The following ATAD3C variants were observed in gnomAD, a reference collection of about 807,000 sequenced individuals.
ATAD3C encodes ATPase family AAA domain-containing protein 3C.
ATAD3C carries 38 observed loss-of-function variants against 46.3 expected under a neutral mutation model. The ratio of observed to expected loss-of-function variants is 0.82; its 90% CI spans 0.63 to 1.08. The LOEUF (loss-of-function observed/expected upper bound fraction) is 1.08. Ranked by LOEUF, ATAD3C falls within the 50% of genes least tolerant of loss-of-function variation. ATAD3C has a pLI of 0.00. For missense variants in ATAD3C, 563 were observed against 572.7 expected, an observed-to-expected ratio of 0.98 and a Z score of 0.17; for synonymous variants, 220 against 236.4, an observed-to-expected ratio of 0.93 and a Z score of 0.63.
At chr1:1,467,605 G>C (rs1328016023) in intron 11 of ATAD3C, among the ~76,000 whole-genome samples, 1 of 152,050 alleles carries the variant, frequency 6.6e-6, no homozygotes, top group Non-Finnish European at 1.5e-5. Context: ...GCCTCTGGGA[G>C]GCATAGCTGG....
rs553941883 is a variant in ATAD3C, at chr1:1,462,296, T to A, written c.981-304T>A. Among the ~76,000 whole-genome samples, 1 of 152,122 alleles carries A rather than the reference T, an allele frequency of 6.6e-6. No homozygotes were observed. The highest frequency in any genetic ancestry group is 2.1e-4 in the South Asian group (1 of 4,806). The stretch of plus-strand genomic sequence containing the variant: ...TCTGTGGCCTCCAGGCAGAAGCTTT[T>A]TTGCTAGAACTCAGGGCTCTGCCAC... On this transcript the variant is annotated intron_variant, in intron 10 of 11. Transcript: ENST00000378785. The surrounding 1 kb of genome is among the most constrained non-coding windows in gnomAD (Gnocchi z 4.5).
intron 10 of ATAD3C, 21 bp downstream of exon 10, chr1:1,460,938 G>A (rs774424999): frequency 1.1e-5 from 17 of 1,589,544 alleles, no homozygotes; most frequent in African/African-American, 6.7e-5. Flanking sequence ...CGCCCCACCA[G>A]CCCCCGTCCA....
chr1:1,466,787 C>T lies in ATAD3C; in HGVS notation c.1090-1597C>T, dbSNP rs112916475. Reference sequence around the variant, plus strand: ...ATTCGTTTTGCTGGCATTTTCTTGACGACTTTTCCAACGATGCTCATCAGG... The same window carrying T: ...ATTCGTTTTGCTGGCATTTTCTTGATGACTTTTCCAACGATGCTCATCAGG... On this transcript the variant is annotated intron_variant, in intron 11 of 11. Transcript: ENST00000378785. 2.0e-5 allele frequency among the ~76,000 whole-genome samples: 3 copies of T among 151,838 alleles called. 1 individual carries two copies. The highest frequency in any genetic ancestry group is 3.9e-4 in the East Asian group (2 of 5,180).
At position 1,456,215 on chromosome 1, in the gene ATAD3C, T is replaced by A. The variant is rs754618389; in HGVS notation, c.565-10T>A. The A allele has an allele frequency of 5.3e-6, 8 of 1,501,834 alleles. No homozygotes were observed. The East Asian group carries it at 2.0e-4, about 38-fold the overall frequency. The allele number at this position is 1,501,834 out of a possible 1,614,324, so 93.0% of individuals were successfully genotyped here. A position where few individuals can be genotyped will look rare whatever the true frequency, so the allele number is the denominator to read the frequency against. On this transcript the variant is annotated splice_polypyrimidine_tract_variant and intron_variant, in intron 6 of 11. Coordinates refer to ENST00000378785, the MANE Select transcript of ATAD3C (RefSeq NM_001039211.3). ...CATCTGTTCTGTCTCCCCTCACTCTTCTTGTCCAGAAACTCGCCCTGCACT... is the reference window on the plus strand; with the variant it reads ...CATCTGTTCTGTCTCCCCTCACTCTACTTGTCCAGAAACTCGCCCTGCACT...
Position 1,454,942 on chromosome 1 carries a change from G to T in ATAD3C, c.378+442G>T, listed in dbSNP as rs540044851. On this transcript the variant is annotated intron_variant, in intron 4 of 11. Coordinates refer to ENST00000378785, the MANE Select transcript of ATAD3C (RefSeq NM_001039211.3). Reference sequence around the variant, plus strand: ...TTAAGAAAATAAAAGCTGGCCGGGCGTGGTGGCTCACACTTGTAATCCCAG... The same window carrying T: ...TTAAGAAAATAAAAGCTGGCCGGGCTTGGTGGCTCACACTTGTAATCCCAG... Among the ~76,000 whole-genome samples, 4 of 152,012 alleles carry T rather than the reference G, an allele frequency of 2.6e-5. No homozygotes were observed. In the South Asian group the frequency reaches 8.4e-4, roughly 32 times the overall value.
Position 1,468,689 on chromosome 1 carries a change from C to G in ATAD3C, c.*159C>G. The G allele has an allele frequency of 2.2e-6, 3 of 1,344,284 alleles. No individual in the cohort carries two copies. The highest frequency in any genetic ancestry group is 3.1e-6 in the Non-Finnish European group (3 of 977,396). 83.3% of individuals were successfully genotyped at this position (1,344,284 alleles called of 1,614,324 possible). On this transcript the variant is annotated 3_prime_UTR_variant, in exon 12 of 12. Transcript: ENST00000378785. ...GACACGGGGCGGGGTTTGGGGCCCC[C>G]TAACGTCCCCCTGGGGTCAAAGGTG...
intron 4 of ATAD3C, among the ~76,000 whole-genome samples, chr1:1,454,845 G>A (rs1418448616): frequency 2.0e-5 from 3 of 151,806 alleles, no homozygotes; most frequent in South Asian, 2.1e-4. Flanking sequence ...GAGCCGCGCC[G>A]TTTGCCAGCC....
Position 1,450,354 on chromosome 1 carries a change from T to TG in ATAD3C, c.-329dup. 1 of 216,154 alleles carries TG rather than the reference T, an allele frequency of 4.6e-6. No homozygotes were observed. Among genetic ancestry groups the TG allele is most frequent in the East Asian group, 9.1e-5 (1 of 10,966 alleles). 13.4% of individuals were successfully genotyped at this position (216,154 alleles called of 1,614,324 possible). A position where few individuals can be genotyped will look rare whatever the true frequency, so the allele number is the denominator to read the frequency against. On this transcript the variant is annotated 5_prime_UTR_variant, in exon 1 of 12. An upstream open reading frame in the 5' UTR loses its in-frame stop. Coordinates refer to ENST00000378785, the MANE Select transcript of ATAD3C (RefSeq NM_001039211.3). ...AAAAAAAAAAAAAGCATGTGTAACG[T>TG]GAAAAAATGGACACTTTAGCCATCG...
At chr1:1,455,367 T>G in intron 4 of ATAD3C, 93 bp from the exon 5 acceptor site, 1 of 1,528,200 alleles carries the variant, frequency 6.5e-7, no homozygotes, top group Non-Finnish European at 8.9e-7. Flanking sequence ...TCGGGGCAGC[T>G]CCGTTTCTGC....
rs1054946601 is a variant in ATAD3C, at chr1:1,462,785, C to G, written c.1089+77C>G. ...GATGCTTGGTTGCGCCAGGCCTGTC[C>G]CAGCACCGGTGTCACGTGGGAGCTT... On this transcript the variant is annotated intron_variant, in intron 11 of 11. Transcript: ENST00000378785. This position sits in a 1 kb window ranked among gnomAD's most constrained non-coding sequence, Gnocchi z 4.5. 4.5e-5 allele frequency: 66 copies of G among 1,471,048 alleles called. 1 individual carries two copies. The highest frequency in any genetic ancestry group is 5.9e-5 in the Non-Finnish European group (64 of 1,079,422). 91.1% of individuals were successfully genotyped at this position (1,471,048 alleles called of 1,614,324 possible). A position where few individuals can be genotyped will look rare whatever the true frequency, so the allele number is the denominator to read the frequency against.
rs981144520 is a variant in ATAD3C at position 1,459,401 on chromosome 1, G to A, written c.812+170G>A. The stretch of plus-strand genomic sequence containing the variant: ...GGAACGGCCCAGCTCAGGACAGCAC[G>A]GGGTGTCACTGAGGAACATGCGGGG... On this transcript the variant is annotated intron_variant, in intron 9 of 11. Coordinates refer to ENST00000378785, the MANE Select transcript of ATAD3C (RefSeq NM_001039211.3). The surrounding 1 kb of genome is among the most constrained non-coding windows in gnomAD (Gnocchi z 4.9). 2.6e-5 allele frequency among the ~76,000 whole-genome samples: 4 copies of A among 151,958 alleles called. No homozygotes were observed. The highest frequency in any genetic ancestry group is 1.9e-4 in the East Asian group (1 of 5,186).
At chr1:1,454,216 G>A (rs1177267977) in intron 3 of ATAD3C, 129 bp from the exon 4 acceptor site, 1 of 1,426,006 alleles carries the variant, frequency 7.0e-7, no homozygotes. Flanking sequence ...TCGGGTTCCT[G>A]TGGGGCCAGC....
Position 1,459,493 on chromosome 1 carries a change from G to T in ATAD3C, c.812+262G>T, listed in dbSNP as rs999899776. ...CTGTGCACCGCCGCCCCAGCTTGCA[G>T]GTCCCTCTGCCCCTAGGTTTCTGCG... On this transcript the variant is annotated intron_variant, in intron 9 of 11. Transcript: ENST00000378785. The surrounding 1 kb of genome is among the most constrained non-coding windows in gnomAD (Gnocchi z 4.9). Among the ~76,000 whole-genome samples, 14 of 152,022 alleles carry T rather than the reference G, an allele frequency of 9.2e-5. No homozygotes were observed. The highest frequency in any genetic ancestry group is 3.4e-4 in the African/African-American group (14 of 41,416).
At chr1:1,457,203 C>G in intron 8 of ATAD3C, 23 bp downstream of exon 8, 1 of 1,613,426 alleles carries the variant, frequency 6.2e-7, no homozygotes, top group Non-Finnish European at 8.5e-7. Flanking sequence ...AAGCCTCTGT[C>G]TGGCCACAGG....
intron 1 of ATAD3C, among the ~76,000 whole-genome samples, chr1:1,451,550 C>T (rs150873804): frequency 0.034 from 5,142 of 151,920 alleles, 312 homozygotes; most frequent in African/African-American, 0.12. Context: ...TTTCACCATG[C>T]TGGCCAGGCT....
In ATAD3C at chr1:1,457,284, A is replaced by G. The variant is rs1381176022; in HGVS notation, c.741+104A>G. On this transcript the variant is annotated intron_variant, in intron 8 of 11. Transcript: ENST00000378785. ...CCCACTGCTCAATTTCTTTTTCTCT[A>G]AGTTTTGTGTGAAAAACACAGCATT... 6 of 1,564,248 alleles carry G rather than the reference A, an allele frequency of 3.8e-6. No individual in the cohort carries two copies. In the African/African-American group the frequency reaches 6.8e-5, roughly 18 times the overall value.
intron 3 of ATAD3C, 126 bp downstream of exon 3, chr1:1,452,560 GCCCAAA>G (rs1638881703): frequency 6.8e-7 from 1 of 1,481,180 alleles, no homozygotes; most frequent in East Asian, 2.3e-5. Flanking sequence ...CATGGAACAA[GCCCAAA>G]CTGGACCTGC....
chr1:1,466,471 T>A (rs1439564734), intron 11 of ATAD3C, among the ~76,000 whole-genome samples: 2 of 138,806 alleles, frequency 1.4e-5, no homozygotes, highest in African/African-American at 5.5e-5. Flanking sequence ...GAGAATGGCG[T>A]GAACCCGGGA....
intron 10 of ATAD3C, 110 bp downstream of exon 10, chr1:1,461,027 C>T (rs1476320621): frequency 1.5e-6 from 2 of 1,335,430 alleles, no homozygotes; most frequent in Non-Finnish European, 2.0e-6. Flanking sequence ...ATGGGCACCA[C>T]CTCCCTGCCC....
Sources: gnomAD v4.1 joint callset for allele counts (sites outside exome capture counted in the v4.1 genomes callset) on GRCh38, gnomAD v4.1.1 for gene constraint, Gnocchi (gnomAD v3.1) non-coding constraint, MANE v1.5 for transcripts, NCBI Gene and HGNC (gene_info 2026-07-23, HGNC 2026-07-21) for gene names.